KANK1: variants seen among roughly 807,000 people sequenced by gnomAD.
KANK1 encodes KN motif and ankyrin repeat domains 1.
In KANK1, 109 loss-of-function variants were observed where a neutral mutation model predicts 106.2. The observed-to-expected ratio is 1.03, with a 90% CI of 0.88 to 1.20. KANK1 has a LOEUF of 1.20. Among genes scored for constraint, KANK1 ranks in the 50% most tolerant of loss-of-function variants. The pLI, the probability that KANK1 is intolerant of heterozygous loss-of-function variation, is 0.00. For synonymous variants in KANK1, 873 were observed against 652.2 expected, an observed-to-expected ratio of 1.34 and a Z score of -5.16; for missense variants, 2,399 against 1,710.7, an observed-to-expected ratio of 1.40 and a Z score of -7.10.
chr9:734,125 A>AAAAC (rs1402756500), intron 6 of KANK1: 211 of 151,262 alleles, frequency 1.4e-3, no homozygotes, highest in African/African-American at 4.7e-3. Flanking sequence ...AAAAAAAAAA[A>AAAAC]AAAAAAAACT....
At chr9:546,613 G>C (rs1200749970) in intron 1 of KANK1, among the ~76,000 whole-genome samples, 1 of 151,920 alleles carries the variant, frequency 6.6e-6, no homozygotes, top group Non-Finnish European at 1.5e-5. Flanking sequence ...TCATGTTATA[G>C]GTTTTCATTT....
At chr9:534,978 A>AAT (rs2060230794) in intron 1 of KANK1, among the ~76,000 whole-genome samples, 1 of 152,146 alleles carries the variant, frequency 6.6e-6, no homozygotes, top group Non-Finnish European at 1.5e-5. Flanking sequence ...GAGAATTTAA[A>AAT]ATGATGTCTT....
chr9:614,990 G>A (rs2136235397), intron 1 of KANK1, among the ~76,000 whole-genome samples: 1 of 151,944 alleles, frequency 6.6e-6, no homozygotes, highest in East Asian at 1.9e-4. Flanking sequence ...TCTCAGGCTG[G>A]AGTGCAGTGA....
At chr9:540,068 A>G (rs982958449) in intron 1 of KANK1, among the ~76,000 whole-genome samples, 2 of 152,198 alleles carry the variant, frequency 1.3e-5, no homozygotes, top group Non-Finnish European at 2.9e-5. Flanking sequence ...TTCTAGTACT[A>G]TATTGAATAG....
chr9:568,687 C>A (rs1398225696), intron 1 of KANK1, among the ~76,000 whole-genome samples: 1 of 152,084 alleles, frequency 6.6e-6, no homozygotes, highest in Non-Finnish European at 1.5e-5. Context: ...GAGACAAAAT[C>A]TCAATATGTT....
chr9:473,262 C>G (rs2058051536), exon 3 of KANK1: 1 of 152,128 alleles, frequency 6.6e-6, no homozygotes, highest in South Asian at 2.1e-4. Flanking sequence ...ATAGCAGAGA[C>G]AGAATTTGAA....
At chr9:622,279 G>C (rs1370348250) in intron 1 of KANK1, among the ~76,000 whole-genome samples, 1 of 152,156 alleles carries the variant, frequency 6.6e-6, no homozygotes, top group African/African-American at 2.4e-5. Context: ...GTCACTTCAT[G>C]CTCTTCTTAA....
chr9:509,924 C>T (rs2058953325), intron 1 of KANK1, among the ~76,000 whole-genome samples: 1 of 152,100 alleles, frequency 6.6e-6, no homozygotes, highest in Non-Finnish European at 1.5e-5. Flanking sequence ...AGCCTGCCTC[C>T]CGAGTAGCTG....
intron 1 of KANK1, among the ~76,000 whole-genome samples, chr9:639,992 G>A (rs910716466): frequency 2.6e-5 from 4 of 152,148 alleles, no homozygotes; most frequent in African/African-American, 7.2e-5. Flanking sequence ...ATGCCATCCC[G>A]TTGAAGGTTG....
At chr9:605,322 C>A (rs1410651737) in intron 1 of KANK1, among the ~76,000 whole-genome samples, 1 of 138,018 alleles carries the variant, frequency 7.2e-6, no homozygotes, top group Non-Finnish European at 1.6e-5. Context: ...AAAAAAAAAT[C>A]TAATACTAGC....
At chr9:497,277 C>T (rs941137950) in intron 3 of KANK1, among the ~76,000 whole-genome samples, 1 of 152,154 alleles carries the variant, frequency 6.6e-6, no homozygotes, top group Non-Finnish European at 1.5e-5. Context: ...GGTGAGGGAA[C>T]ACACAGCTTT....
chr9:715,826 G>T (rs1273535889), intron 3 of KANK1, among the ~76,000 whole-genome samples: 1 of 152,196 alleles, frequency 6.6e-6, no homozygotes, highest in African/African-American at 2.4e-5. Flanking sequence ...GTTAGGAAAT[G>T]AACGCAGAGT....
chr9:605,561 A>T (rs961550497), intron 1 of KANK1, among the ~76,000 whole-genome samples: 1 of 151,760 alleles, frequency 6.6e-6, no homozygotes, highest in Admixed American at 6.6e-5. Flanking sequence ...GAGGGGTAAG[A>T]GAGCGTTAAA....
At position 574,870 on chromosome 9, in the gene KANK1, AG is replaced by A. The variant is rs1318347961; in HGVS notation, c.-84+70117del. Among the ~76,000 whole-genome samples the A allele has an allele frequency of 9.3e-5, 14 of 150,466 alleles. No homozygotes were observed. The East Asian group carries it at 1.5e-3, about 17-fold the overall frequency. ...ACTCCGTCTCAAAAAAAAAAAAAAA[AG>A]AAAAAAAATATTTTTTCTTTTTTTA... On this transcript the variant is annotated intron_variant, in intron 1 of 11. Coordinates refer to ENST00000382297, the MANE Select transcript of KANK1 (RefSeq NM_015158.5).
intron 1 of KANK1, among the ~76,000 whole-genome samples, chr9:540,879 A>C (rs2060558953): frequency 6.6e-6 from 1 of 152,060 alleles, no homozygotes; most frequent in Non-Finnish European, 1.5e-5. Flanking sequence ...CTCATCTTTC[A>C]TGTATAATTT....
At chr9:551,048 A>G (rs559098906) in intron 1 of KANK1, among the ~76,000 whole-genome samples, 124 of 152,108 alleles carry the variant, frequency 8.2e-4, no homozygotes, top group Non-Finnish European at 3.4e-4. Context: ...AGGAAAGCCA[A>G]GATGGAAAAT....
chr9:692,221 T>A (rs1266406744), intron 2 of KANK1, among the ~76,000 whole-genome samples: 1 of 152,198 alleles, frequency 6.6e-6, no homozygotes, highest in African/African-American at 2.4e-5. Flanking sequence ...TTCTGTCTCA[T>A]CTCCTACTGG....
intron 1 of KANK1, among the ~76,000 whole-genome samples, chr9:613,185 G>GT (rs1830977171): frequency 6.6e-6 from 1 of 151,888 alleles, no homozygotes; most frequent in Admixed American, 6.6e-5. Flanking sequence ...AGGCAAAGAA[G>GT]TAATTGTGAC....
At chr9:682,247 T>A (rs928796312) in intron 2 of KANK1, among the ~76,000 whole-genome samples, 11 of 149,650 alleles carry the variant, frequency 7.4e-5, no homozygotes, top group Non-Finnish European at 1.5e-4. Context: ...GCTACTGCAC[T>A]CCAGCCTCCA....
Sources: allele counts gnomAD v4.1 joint callset (sites outside exome capture counted in the v4.1 genomes callset), GRCh38; gene constraint gnomAD v4.1.1; transcripts MANE v1.5; gene names NCBI Gene and HGNC (gene_info 2026-07-23, HGNC 2026-07-21).